Variants in PLD5 observed in about 807,000 individuals in gnomAD.
The protein encoded by PLD5 is phospholipase D family member 5.
A neutral mutation model predicts 61.1 loss-of-function variants in PLD5; 36 were observed. The observed-to-expected ratio is 0.59, with a 90% CI of 0.45 to 0.78. The LOEUF is 0.78. Among genes scored for constraint, PLD5 ranks in the 30% least tolerant of loss-of-function variants. The pLI, the probability that PLD5 is intolerant of heterozygous loss-of-function variation, is 0.00. For synonymous variants in PLD5, 243 were observed against 242.8 expected (o/e 1.00, Z -0.01); for missense variants, 515 against 644.4 (o/e 0.80, Z 2.17).
chr1:242,286,033 C>T (rs1675001069), intron 3 of PLD5, among the ~76,000 whole-genome samples: 1 of 152,054 alleles, frequency 6.6e-6, no homozygotes, highest in Non-Finnish European at 1.5e-5. Flanking sequence ...TGCTTGAACC[C>T]AGGAGGTGGA....
Position 242,481,888 on chromosome 1 carries a change from A to C in PLD5, c.189+42200T>G, listed in dbSNP as rs1667790829. ...TCCAGAGGAACGATCAGGCAGCAACATTTGCTGTTCACCAGTATCCACTGT... is the reference window on the plus strand; with the variant it reads ...TCCAGAGGAACGATCAGGCAGCAACCTTTGCTGTTCACCAGTATCCACTGT... On this transcript the variant is annotated intron_variant, in intron 1 of 9. Coordinates refer to ENST00000536534, the MANE Select transcript of PLD5 (RefSeq NM_001372062.1). Among the ~76,000 whole-genome samples the C allele has an allele frequency of 3.3e-5, 5 of 152,118 alleles. No homozygotes were observed. The South Asian group carries it at 1.0e-3, about 31-fold the overall frequency.
chr1:242,437,912 C>T (rs1666077774), intron 1 of PLD5, among the ~76,000 whole-genome samples: 1 of 152,190 alleles, frequency 6.6e-6, no homozygotes, highest in Non-Finnish European at 1.5e-5. Context: ...CATCACTGTG[C>T]TACTGTATAA....
At chr1:242,378,496 G>A (rs1662095514) in intron 1 of PLD5, among the ~76,000 whole-genome samples, 1 of 152,044 alleles carries the variant, frequency 6.6e-6, no homozygotes. Context: ...CACTTAAAAT[G>A]GTTAAAATGG....
chr1:242,409,748 A>C (rs1664442442), intron 1 of PLD5, among the ~76,000 whole-genome samples: 1 of 152,166 alleles, frequency 6.6e-6, no homozygotes, highest in Non-Finnish European at 1.5e-5. Flanking sequence ...GTAGCCCATG[A>C]AAAAATTGCC....
At chr1:242,206,023 C>T (rs932417528) in intron 5 of PLD5, among the ~76,000 whole-genome samples, 1 of 152,280 alleles carries the variant, frequency 6.6e-6, no homozygotes, top group Non-Finnish European at 1.5e-5. Context: ...TGACTCTCAT[C>T]GGCGTCCCAT....
At chr1:242,186,061 ATCAT>A (rs1222066024) in intron 5 of PLD5, among the ~76,000 whole-genome samples, 1 of 152,178 alleles carries the variant, frequency 6.6e-6, no homozygotes, top group African/African-American at 2.4e-5. Context: ...CCCATGACGG[ATCAT>A]TCAAGTATTT....
chr1:242,398,503 T>C (rs1349571072), intron 1 of PLD5, among the ~76,000 whole-genome samples: 1 of 152,338 alleles, frequency 6.6e-6, no homozygotes, highest in Middle Eastern at 3.4e-3. Context: ...ACCTCCAGCA[T>C]AGGCTGACGT....
intron 5 of PLD5, among the ~76,000 whole-genome samples, chr1:242,161,228 T>C (rs1190615774): frequency 1.3e-5 from 2 of 152,090 alleles, no homozygotes; most frequent in Admixed American, 6.6e-5. Flanking sequence ...CACACAATCA[T>C]GGCACAAGGC....
At chr1:242,365,245 A>G (rs1051660405) in intron 1 of PLD5, 3 of 152,398 alleles carry the variant, frequency 2.0e-5, no homozygotes, top group African/African-American at 7.2e-5. Flanking sequence ...AAGGCCCTGC[A>G]TGGGGACGAG....
Position 242,262,056 on chromosome 1 carries a change from C to T in PLD5, c.607+3281G>A, listed in dbSNP as rs1233633406. ...CTCATAGCAGCATTATATGTAATAA[C>T]CCAAACTAGGAAAAACCCAAACATC... On this transcript the variant is annotated intron_variant, in intron 4 of 9. Transcript: ENST00000536534. Among the ~76,000 whole-genome samples the T allele has an allele frequency of 5.3e-5, 8 of 152,244 alleles. No homozygotes were observed. The East Asian group carries it at 1.5e-3, about 29-fold the overall frequency.
At chr1:242,226,991 T>A (rs543907589) in intron 4 of PLD5, among the ~76,000 whole-genome samples, 4 of 152,240 alleles carry the variant, frequency 2.6e-5, no homozygotes, top group African/African-American at 9.6e-5. Flanking sequence ...TGAAAATTAA[T>A]GTTACTACTT....
intron 5 of PLD5, among the ~76,000 whole-genome samples, chr1:242,166,487 TAC>T (rs2148862881): frequency 6.6e-6 from 1 of 152,038 alleles, no homozygotes; most frequent in South Asian, 2.1e-4. Flanking sequence ...TGTACACACA[TAC>T]ACCCTGATGG....
At chr1:242,215,787 G>A (rs1257653532) in intron 5 of PLD5, among the ~76,000 whole-genome samples, 2 of 152,192 alleles carry the variant, frequency 1.3e-5, no homozygotes, top group Non-Finnish European at 2.9e-5. Context: ...AAGAAGACAA[G>A]TCAGAAGACT....
chr1:242,298,746 T>TCTATAAGC (rs1226456239), intron 2 of PLD5, among the ~76,000 whole-genome samples: 2 of 152,150 alleles, frequency 1.3e-5, no homozygotes, highest in Admixed American at 6.5e-5. Flanking sequence ...CCCTCCTTAT[T>TCTATAAGC]CTATAAGCCA....
chr1:242,370,517 C>T (rs1042661541), intron 1 of PLD5, among the ~76,000 whole-genome samples: 11 of 151,972 alleles, frequency 7.2e-5, no homozygotes, highest in African/African-American at 2.4e-4. Context: ...GGGGAGGGGG[C>T]ATTAATGGCT....
At chr1:242,239,565 C>T (rs1344168246) in intron 4 of PLD5, among the ~76,000 whole-genome samples, 1 of 152,106 alleles carries the variant, frequency 6.6e-6, no homozygotes, top group Admixed American at 6.5e-5. Flanking sequence ...TTACACAAGA[C>T]CAAATACAAG....
chr1:242,384,848 T>C (rs1320932949), intron 1 of PLD5, among the ~76,000 whole-genome samples: 1 of 152,210 alleles, frequency 6.6e-6, no homozygotes, highest in Non-Finnish European at 1.5e-5. Flanking sequence ...CTTGAAGATA[T>C]ACCTTCACTA....
At chr1:242,200,698 G>A (rs1438471824) in intron 5 of PLD5, among the ~76,000 whole-genome samples, 2 of 152,072 alleles carry the variant, frequency 1.3e-5, no homozygotes, top group Non-Finnish European at 2.9e-5. Flanking sequence ...GTTAACTGAT[G>A]GAATAATTCC....
intron 3 of PLD5, among the ~76,000 whole-genome samples, chr1:242,273,656 A>T (rs2149116140): frequency 6.6e-6 from 1 of 152,360 alleles, no homozygotes; most frequent in South Asian, 2.1e-4. Flanking sequence ...CCTTATTTGG[A>T]AATAGGGTCT....
Sources: allele counts gnomAD v4.1 joint callset (sites outside exome capture counted in the v4.1 genomes callset), GRCh38; gene constraint gnomAD v4.1.1; transcripts MANE v1.5; gene names NCBI Gene and HGNC (gene_info 2026-07-23, HGNC 2026-07-21).